ABHD6: variants seen among roughly 807,000 people sequenced by gnomAD.
ABHD6 encodes the protein monoacylglycerol lipase ABHD6.
A neutral mutation model predicts 38.8 loss-of-function variants in ABHD6; 33 were observed. That is an observed-to-expected ratio of 0.85 (90% CI 0.64 to 1.14). ABHD6 has a LOEUF of 1.14. Ranked by LOEUF, ABHD6 falls within the 50% of genes most tolerant of loss-of-function variation. The pLI is 0.00. For synonymous variants in ABHD6, 147 were observed against 161.6 expected (o/e 0.91, Z 0.69); for missense variants, 380 against 422.6 (o/e 0.90, Z 0.88).
At chr3:58,275,353 AG>A (rs2107461154) in intron 7 of ABHD6, among the ~76,000 whole-genome samples, 1 of 51,916 alleles carries the variant, frequency 1.9e-5, no homozygotes, top group African/African-American at 1.3e-4. Flanking sequence ...TTTTCCAGAC[AG>A]AGTCTCACTC....
At chr3:58,286,885 A>ATATATGTATAT (rs1553721771) in intron 9 of ABHD6, among the ~76,000 whole-genome samples, 1 of 44,902 alleles carries the variant, frequency 2.2e-5, no homozygotes, top group African/African-American at 8.9e-5. Flanking sequence ...TGTATATATA[A>ATATATGTATAT]GTAGGTATCT....
chr3:58,264,668 G>T (rs1219004986), intron 3 of ABHD6, among the ~76,000 whole-genome samples: 2 of 152,036 alleles, frequency 1.3e-5, no homozygotes, highest in African/African-American at 4.8e-5. Flanking sequence ...TCCAGCCTGG[G>T]TGACAGAGTA....
At chr3:58,288,434 C>G (rs1000258319) in intron 9 of ABHD6, among the ~76,000 whole-genome samples, 9 of 152,182 alleles carry the variant, frequency 5.9e-5, no homozygotes, top group African/African-American at 2.2e-4. Context: ...TCAAGCATCG[C>G]TCCTCTATGT....
intron 1 of ABHD6, among the ~76,000 whole-genome samples, chr3:58,241,800 C>T (rs893590105): frequency 2.6e-5 from 4 of 152,180 alleles, no homozygotes; most frequent in African/African-American, 9.7e-5. Flanking sequence ...AGGCAAGATC[C>T]CAGCAGTGCA....
intron 3 of ABHD6, chr3:58,258,674 C>T (rs1018571600): frequency 5.4e-6 from 1 of 185,772 alleles, no homozygotes; most frequent in Non-Finnish European, 1.2e-5. Flanking sequence ...GAACTCACTT[C>T]TGTACGTAGA....
intron 3 of ABHD6, among the ~76,000 whole-genome samples, chr3:58,261,014 G>C (rs193255419): frequency 3.3e-5 from 5 of 152,310 alleles, no homozygotes; most frequent in African/African-American, 1.2e-4. Flanking sequence ...TTCAACATGA[G>C]TCAACAGAGA....
Position 58,285,069 on chromosome 3 carries a change from G to A in ABHD6, c.682-16G>A. 1.2e-6 allele frequency: 2 copies of A among 1,613,448 alleles called. No homozygotes were observed. Among genetic ancestry groups the A allele is most frequent in the African/African-American group, 1.3e-5 (1 of 74,982 alleles). On this transcript the variant is annotated splice_polypyrimidine_tract_variant and intron_variant, in intron 7 of 9. Transcript: ENST00000478253. The surrounding 1 kb of genome is among the most constrained non-coding windows in gnomAD (Gnocchi z 4.9). ...AATCTTCTCTTGCTCTCTAACTTTGGGTTATTTATCCTTAGATCCTGCAAG... is the reference window on the plus strand; with the variant it reads ...AATCTTCTCTTGCTCTCTAACTTTGAGTTATTTATCCTTAGATCCTGCAAG...
chr3:58,243,668 C>CT lies in ABHD6; in HGVS notation c.-91+5762dup, dbSNP rs796845241. On this transcript the variant is annotated intron_variant, in intron 1 of 9. Transcript: ENST00000478253. ...ATTGTGGATGGGAAGCAGAAGTTTT[C>CT]TTTTTTTTTTGAGACAGAGTCTCAC... Among the ~76,000 whole-genome samples, 662 of 147,736 alleles carry CT rather than the reference C, an allele frequency of 4.5e-3. 6 individuals are homozygous for CT. Among genetic ancestry groups the CT allele is most frequent in the African/African-American group, 0.015 (600 of 40,316 alleles).
At chr3:58,289,859 A>AG (rs1188057300) in intron 9 of ABHD6, among the ~76,000 whole-genome samples, 3 of 104,604 alleles carry the variant, frequency 2.9e-5, no homozygotes, top group African/African-American at 4.9e-5. Flanking sequence ...CTGGCCGGGT[A>AG]GGGGGCTGAC....
At position 58,269,543 on chromosome 3, in the gene ABHD6, C is replaced by T; in HGVS notation, c.390+109C>T. The T allele has an allele frequency of 3.8e-6, 3 of 795,690 alleles. No individual in the cohort carries two copies. In the South Asian group the frequency reaches 5.0e-5, roughly 13 times the overall value. 49.3% of individuals were successfully genotyped at this position (795,690 alleles called of 1,614,324 possible). A position where few individuals can be genotyped will look rare whatever the true frequency, so the allele number is the denominator to read the frequency against. ...CCTGTGCTACCTCATGACCAGTCTC[C>T]TGTACATTCTGTCTACAAGTGATGG... is the stretch of plus-strand genomic sequence containing the variant. On this transcript the variant is annotated intron_variant, in intron 5 of 9. Coordinates refer to ENST00000478253, the MANE Select transcript of ABHD6 (RefSeq NM_001320126.2). The surrounding 1 kb of genome is among the most constrained non-coding windows in gnomAD (Gnocchi z 4.4).
Position 58,267,417 on chromosome 3 carries a change from C to CT in ABHD6, c.276+72_276+73insT. 1 of 1,572,042 alleles carries CT rather than the reference C, an allele frequency of 6.4e-7. No individual in the cohort carries two copies. Among genetic ancestry groups the CT allele is most frequent in the South Asian group, 1.1e-5 (1 of 88,386 alleles). On this transcript the variant is annotated intron_variant, in intron 4 of 9. Coordinates refer to ENST00000478253, the MANE Select transcript of ABHD6 (RefSeq NM_001320126.2). This position sits in a 1 kb window ranked among gnomAD's most constrained non-coding sequence, Gnocchi z 4.3. ...CTGTGGCTCATGCCTATAATCCCAG[C>CT]ACTTTGGGAGCCTGAGGCAGGAGGA...
intron 7 of ABHD6, among the ~76,000 whole-genome samples, chr3:58,283,714 G>T (rs1355645991): frequency 6.6e-6 from 1 of 152,206 alleles, no homozygotes; most frequent in Non-Finnish European, 1.5e-5. Flanking sequence ...CAGAGATGGA[G>T]GTTGGATGGA....
intron 5 of ABHD6, 39 bp from the exon 6 acceptor site, chr3:58,270,893 A>G (rs749448087): frequency 6.4e-7 from 1 of 1,570,388 alleles, no homozygotes; most frequent in African/African-American, 1.4e-5. Context: ...CATTGTCTAC[A>G]GCTGTATAAC....
intron 6 of ABHD6, 134 bp downstream of exon 6, chr3:58,271,198 A>G: frequency 1.1e-6 from 1 of 923,184 alleles, no homozygotes; most frequent in Admixed American, 3.8e-5. Context: ...TTTTACTGAT[A>G]ACTCTAACCA....
chr3:58,293,823 A>C lies in ABHD6; in HGVS notation c.*58A>C. 1.3e-6 allele frequency: 2 copies of C among 1,570,252 alleles called. No homozygotes were observed. The highest frequency in any genetic ancestry group is 1.7e-4 in the Middle Eastern group (1 of 5,856). On this transcript the variant is annotated 3_prime_UTR_variant, in exon 10 of 10. Transcript: ENST00000478253. This position sits in a 1 kb window ranked among gnomAD's most constrained non-coding sequence, Gnocchi z 4.4. ...CATCTGCTCCCATCCCCCAAGTCTG[A>C]CGCAGCCACCACTCTCAGGGATCCT...
chr3:58,240,930 A>G (rs1212135998), intron 1 of ABHD6, among the ~76,000 whole-genome samples: 2 of 151,860 alleles, frequency 1.3e-5, no homozygotes, highest in African/African-American at 4.8e-5. Context: ...GGGTTTCTCC[A>G]TGTTGGTCAG....
At chr3:58,258,630 C>A in intron 3 of ABHD6, 1 of 199,858 alleles carries the variant, frequency 5.0e-6, no homozygotes, top group Non-Finnish European at 1.1e-5. Context: ...TATAGGTAAG[C>A]CCATTGAGAT....
intron 6 of ABHD6, among the ~76,000 whole-genome samples, chr3:58,271,770 T>TTG (rs1553720282): frequency 9.5e-6 from 1 of 105,580 alleles, no homozygotes; most frequent in African/African-American, 4.2e-5. Context: ...CTCTCTGTTT[T>TTG]TTTTTTTTTT....
chr3:58,273,727 G>T lies in ABHD6; in HGVS notation c.524-931G>T, dbSNP rs1172413834. ...CATCACACACTGGGGCCTGTCAGAG[G>T]GTGGAGGTCACAGGGAGGGAGAGCA... On this transcript the variant is annotated intron_variant, in intron 6 of 9. Transcript: ENST00000478253. The surrounding 1 kb of genome is among the most constrained non-coding windows in gnomAD (Gnocchi z 4.8). 6.6e-6 allele frequency among the ~76,000 whole-genome samples: 1 copy of T among 152,018 alleles called. No homozygotes were observed. The highest frequency in any genetic ancestry group is 1.5e-5 in the Non-Finnish European group (1 of 67,994).
Sources: allele counts gnomAD v4.1 joint callset (sites outside exome capture counted in the v4.1 genomes callset), GRCh38; gene constraint gnomAD v4.1.1; non-coding constraint Gnocchi (gnomAD v3.1); transcripts MANE v1.5; gene names NCBI Gene and HGNC (gene_info 2026-07-23, HGNC 2026-07-21).